SCHIP1: variants seen among roughly 807,000 people sequenced by gnomAD.
SCHIP1 encodes the protein schwannomin-interacting protein 1.
In SCHIP1, 8 loss-of-function variants were observed where a neutral mutation model predicts 29.7. That is an observed-to-expected ratio of 0.27 (90% confidence interval 0.16 to 0.49). The LOEUF is 0.49. Ranked by LOEUF, SCHIP1 falls within the 20% of genes least tolerant of loss-of-function variation. The probability of loss-of-function intolerance (pLI) is 0.99; values close to 1 mark genes in which losing one functional copy is unlikely to be tolerated. For missense variants in SCHIP1, 193 were observed against 294.6 expected, an observed-to-expected ratio of 0.66 and a Z score of 2.52; for synonymous variants, 76 against 94.9, an observed-to-expected ratio of 0.80 and a Z score of 1.16.
chr3:159,826,974 G>A, the SCHIP1 span, among the ~76,000 whole-genome samples: 1 of 152,132 alleles, frequency 6.6e-6, no homozygotes, highest in African/African-American at 2.4e-5. Flanking sequence ...GTCATGTGTT[G>A]GGAGTAGCAT....
the SCHIP1 span, among the ~76,000 whole-genome samples, chr3:159,487,660 T>C: frequency 6.6e-6 from 1 of 152,102 alleles, no homozygotes; most frequent in Non-Finnish European, 1.5e-5. Context: ...GAGCCATAAA[T>C]ACGAAAAATA....
the SCHIP1 span, among the ~76,000 whole-genome samples, chr3:159,558,328 G>T: frequency 6.6e-6 from 1 of 152,044 alleles, no homozygotes; most frequent in Admixed American, 6.6e-5. Flanking sequence ...ATTTTTATTT[G>T]CATTTCTGGC....
the SCHIP1 span, among the ~76,000 whole-genome samples, chr3:159,502,867 A>G: frequency 6.6e-6 from 1 of 152,228 alleles, no homozygotes; most frequent in African/African-American, 2.4e-5. Flanking sequence ...AGGTTCCCAC[A>G]CAGGGGCCAA....
the SCHIP1 span, among the ~76,000 whole-genome samples, chr3:159,630,753 C>T: frequency 0.011 from 1,684 of 152,202 alleles, 25 homozygotes; most frequent in African/African-American, 0.039. Context: ...TAAAAGACTA[C>T]AAATTAGGTA....
the SCHIP1 span, among the ~76,000 whole-genome samples, chr3:159,508,242 G>C: frequency 6.6e-6 from 1 of 152,182 alleles, no homozygotes; most frequent in Admixed American, 6.5e-5. Context: ...AGATTTTCTA[G>C]TTTATTTGCG....
At chr3:159,795,467 A>AT in the SCHIP1 span, among the ~76,000 whole-genome samples, 1 of 152,176 alleles carries the variant, frequency 6.6e-6, no homozygotes, top group Non-Finnish European at 1.5e-5. Flanking sequence ...TGTTGGCTCA[A>AT]TTTCCAGATG....
At chr3:159,763,023 T>A in the SCHIP1 span, among the ~76,000 whole-genome samples, 2 of 151,396 alleles carry the variant, frequency 1.3e-5, no homozygotes, top group African/African-American at 2.4e-5. Context: ...CAGGCAGGAG[T>A]CCTTTCTCGC....
intron 1 of SCHIP1, among the ~76,000 whole-genome samples, chr3:159,859,040 C>T (rs1004074676): frequency 2.6e-5 from 4 of 152,174 alleles, no homozygotes; most frequent in African/African-American, 7.2e-5. Flanking sequence ...ACTTACTATC[C>T]GTTCAGTGAT....
In SCHIP1 at chr3:159,860,674, C is replaced by T. The variant is rs890058260; in HGVS notation, c.31-5489C>T. Among the ~76,000 whole-genome samples, 3 of 152,284 alleles carry T rather than the reference C, an allele frequency of 2.0e-5. No individual in the cohort carries two copies. The South Asian group carries it at 6.2e-4, about 32-fold the overall frequency. ...CATCTGGGAGGAGGGGAAGCTCAAT[C>T]CAGGGAAGAACAGAAAGACAGGAAA... On this transcript the variant is annotated intron_variant, in intron 1 of 6. Transcript: ENST00000445224.
chr3:159,753,524 T>A, the SCHIP1 span, among the ~76,000 whole-genome samples: 1 of 152,222 alleles, frequency 6.6e-6, no homozygotes, highest in East Asian at 1.9e-4. Context: ...TCCTGTTGAT[T>A]TGACTTCCTA....
chr3:159,381,551 T>G, the SCHIP1 span, among the ~76,000 whole-genome samples: 1 of 152,236 alleles, frequency 6.6e-6, no homozygotes, highest in Middle Eastern at 3.4e-3. Context: ...TCTTCCCAGC[T>G]CTACAGTTAC....
At chr3:159,736,985 C>T in the SCHIP1 span, among the ~76,000 whole-genome samples, 4,561 of 152,216 alleles carry the variant, frequency 0.03, 232 homozygotes, top group African/African-American at 0.1. Flanking sequence ...CCGCCCACCT[C>T]GGCCTCCCAA....
the SCHIP1 span, among the ~76,000 whole-genome samples, chr3:159,361,538 G>C: frequency 6.6e-6 from 1 of 152,178 alleles, no homozygotes; most frequent in Non-Finnish European, 1.5e-5. Flanking sequence ...CTTGCTCTGA[G>C]GGAAATTGGA....
intron 1 of SCHIP1, among the ~76,000 whole-genome samples, chr3:159,842,444 G>A (rs1229669378): frequency 6.6e-6 from 1 of 152,024 alleles, no homozygotes; most frequent in African/African-American, 2.4e-5. Context: ...CCCTGCCCTT[G>A]CCCACACTCC....
At chr3:159,734,157 T>G in the SCHIP1 span, among the ~76,000 whole-genome samples, 6 of 147,656 alleles carry the variant, frequency 4.1e-5, no homozygotes, top group African/African-American at 1.0e-4. Flanking sequence ...TTTTTTTTTT[T>G]TGTGAGAGGG....
the SCHIP1 span, among the ~76,000 whole-genome samples, chr3:159,625,937 G>A: frequency 6.6e-6 from 1 of 151,822 alleles, no homozygotes; most frequent in Admixed American, 6.6e-5. Flanking sequence ...TGGTGGAATA[G>A]GAAAAAGATG....
the SCHIP1 span, among the ~76,000 whole-genome samples, chr3:159,408,332 TA>T: frequency 6.8e-6 from 1 of 146,750 alleles, no homozygotes; most frequent in African/African-American, 2.5e-5. Context: ...AGAGCAGAAA[TA>T]AATTAATTAA....
At chr3:159,696,691 G>A in the SCHIP1 span, among the ~76,000 whole-genome samples, 189 of 152,318 alleles carry the variant, frequency 1.2e-3, no homozygotes, top group African/African-American at 4.5e-3. Flanking sequence ...ATGGATCATA[G>A]GTGGTAAAGT....
At chr3:159,402,542 A>C in the SCHIP1 span, among the ~76,000 whole-genome samples, 1,006 of 152,200 alleles carry the variant, frequency 6.6e-3, 9 homozygotes, top group South Asian at 0.032. Context: ...AAATGTCCAA[A>C]CATGATAGAC....
Sources: allele counts gnomAD v4.1 joint callset (sites outside exome capture counted in the v4.1 genomes callset), GRCh38; gene constraint gnomAD v4.1.1; transcripts MANE v1.5; gene names NCBI Gene and HGNC (gene_info 2026-07-23, HGNC 2026-07-21).